SLC30A7: variants seen among roughly 807,000 people sequenced by gnomAD.
The protein encoded by SLC30A7 is zinc transporter 7.
SLC30A7 carries 35 observed loss-of-function variants against 46.0 expected under a neutral mutation model. The ratio of observed to expected loss-of-function variants is 0.76; its 90% CI spans 0.58 to 1.01. The LOEUF is 1.01. SLC30A7 is among the 50% of genes least tolerant of loss of function. SLC30A7 has a pLI of 0.00. For synonymous variants in SLC30A7, 147 were observed against 157.8 expected (o/e 0.93, Z 0.51); for missense variants, 464 against 451.1 (o/e 1.03, Z -0.26).
At chr1:100,991,651 T>C in the SLC30A7 span, among the ~76,000 whole-genome samples, 1 of 151,472 alleles carries the variant, frequency 6.6e-6, no homozygotes, top group Non-Finnish European at 1.5e-5. Flanking sequence ...TAGCTGGGTG[T>C]GGTGGCATGC....
chr1:100,953,659 A>C (rs6577220), intron 8 of SLC30A7, among the ~76,000 whole-genome samples: 3,610 of 152,238 alleles, frequency 0.024, 133 homozygotes, highest in African/African-American at 0.079. Flanking sequence ...AAATGTTACC[A>C]TATTTAATAT....
At chr1:100,924,061 CTG>C (rs1653125176) in intron 8 of SLC30A7, among the ~76,000 whole-genome samples, 1 of 152,204 alleles carries the variant, frequency 6.6e-6, no homozygotes, top group Non-Finnish European at 1.5e-5. Flanking sequence ...ACCTGGAAAA[CTG>C]TAACAATCTC....
At chr1:100,986,640 A>G (rs145724889), downstream of SLC30A7, among the ~76,000 whole-genome samples, 1 of 152,226 alleles carries the variant, frequency 6.6e-6, no homozygotes, top group Admixed American at 6.5e-5. Flanking sequence ...AAAACCTGTT[A>G]TGTTAATGTT....
the SLC30A7 span, chr1:100,995,360 A>T: frequency 2.3e-6 from 1 of 435,992 alleles, no homozygotes; most frequent in Non-Finnish European, 4.2e-6. Flanking sequence ...CCCTGAGACC[A>T]TCCTGCTAAC....
chr1:100,989,668 A>G, the SLC30A7 span: 5 of 152,210 alleles, frequency 3.3e-5, no homozygotes, highest in Non-Finnish European at 7.4e-5. Flanking sequence ...CTTGGCACTC[A>G]TAACATTTTT....
At chr1:100,925,715 T>C (rs1022510982) in intron 8 of SLC30A7, among the ~76,000 whole-genome samples, 2 of 152,154 alleles carry the variant, frequency 1.3e-5, no homozygotes, top group African/African-American at 4.8e-5. Flanking sequence ...AAAGGTAATG[T>C]TTTTATTTTT....
intron 9 of SLC30A7, among the ~76,000 whole-genome samples, chr1:100,963,212 G>A (rs1169955582): frequency 6.6e-6 from 1 of 152,162 alleles, no homozygotes; most frequent in Non-Finnish European, 1.5e-5. Flanking sequence ...CTCCGGAGAA[G>A]TTCTAGTTCT....
At chr1:100,973,258 G>T (rs998411993) in intron 10 of SLC30A7, among the ~76,000 whole-genome samples, 5 of 152,040 alleles carry the variant, frequency 3.3e-5, no homozygotes, top group African/African-American at 4.8e-5. Context: ...GAGGAGTCCA[G>T]AAATTACTGT....
Position 100,974,987 on chromosome 1 carries a change from T to A in SLC30A7, c.*130T>A. 6.7e-6 allele frequency: 4 copies of A among 600,394 alleles called. No individual in the cohort carries two copies. The highest frequency in any genetic ancestry group is 1.1e-5 in the Non-Finnish European group (4 of 363,848). 37.2% of individuals were successfully genotyped at this position (600,394 alleles called of 1,614,324 possible). A position where few individuals can be genotyped will look rare whatever the true frequency, so the allele number is the denominator to read the frequency against. ...ACTCCCGAGCACTAAGTAGACGGGG[T>A]AGAGTCAGCCGTTCATGCTTTGTGG... On this transcript the variant is annotated 3_prime_UTR_variant, in exon 11 of 11. Transcript: ENST00000357650.
the SLC30A7 span, among the ~76,000 whole-genome samples, chr1:100,991,370 C>T: frequency 1.3e-5 from 2 of 152,208 alleles, no homozygotes; most frequent in Middle Eastern, 6.8e-3. Context: ...ATGGTTTATC[C>T]AAGGACAAAC....
chr1:100,968,017 T>G (rs530505335), intron 10 of SLC30A7, among the ~76,000 whole-genome samples: 1 of 152,210 alleles, frequency 6.6e-6, no homozygotes, highest in Non-Finnish European at 1.5e-5. Flanking sequence ...ATCCAGATGT[T>G]TAATTTTCAA....
At chr1:100,969,933 T>C (rs1049444089) in intron 10 of SLC30A7, among the ~76,000 whole-genome samples, 6 of 152,226 alleles carry the variant, frequency 3.9e-5, no homozygotes, top group African/African-American at 1.4e-4. Flanking sequence ...TAGTAATGCA[T>C]GGTCCTTATG....
At chr1:100,933,263 C>T (rs1379849293) in intron 8 of SLC30A7, among the ~76,000 whole-genome samples, 1 of 152,008 alleles carries the variant, frequency 6.6e-6, no homozygotes, top group African/African-American at 2.4e-5. Flanking sequence ...TGTGAGCCAC[C>T]GTGCCTGGCC....
At chr1:100,930,875 ACTGATTAGT>A (rs748258290) in intron 8 of SLC30A7, among the ~76,000 whole-genome samples, 83 of 152,148 alleles carry the variant, frequency 5.5e-4, no homozygotes, top group Non-Finnish European at 5.0e-4. Context: ...ATTTATAAAA[ACTGATTAGT>A]CTAACAGCCT....
chr1:100,897,027 G>A (rs770867401), intron 2 of SLC30A7, among the ~76,000 whole-genome samples: 1 of 151,776 alleles, frequency 6.6e-6, no homozygotes, highest in African/African-American at 2.4e-5. Context: ...TGCCTCTCTC[G>A]GGGGGGAGTG....
At chr1:100,905,629 C>CT (rs1394824513) in intron 2 of SLC30A7, among the ~76,000 whole-genome samples, 3 of 151,914 alleles carry the variant, frequency 2.0e-5, no homozygotes, top group Non-Finnish European at 4.4e-5. Context: ...TTGTGTTGCA[C>CT]TTTGTTTAAC....
intron 10 of SLC30A7, among the ~76,000 whole-genome samples, chr1:100,974,323 G>A (rs1656333900): frequency 6.6e-6 from 1 of 152,152 alleles, no homozygotes; most frequent in African/African-American, 2.4e-5. Flanking sequence ...TAATACAGAA[G>A]ATATTGGGGA....
intron 8 of SLC30A7, among the ~76,000 whole-genome samples, chr1:100,936,443 C>T (rs1374732561): frequency 6.6e-6 from 1 of 152,088 alleles, no homozygotes; most frequent in Non-Finnish European, 1.5e-5. Context: ...TTTGAAGACT[C>T]CTGCCCTAAG....
At chr1:100,982,541 C>T (rs1165933960), downstream of SLC30A7, among the ~76,000 whole-genome samples, 2 of 152,168 alleles carry the variant, frequency 1.3e-5, no homozygotes, top group Non-Finnish European at 2.9e-5. Context: ...CTAAGCAATG[C>T]CCTGTCACCT....
Sources: allele counts gnomAD v4.1 joint callset (sites outside exome capture counted in the v4.1 genomes callset), GRCh38; gene constraint gnomAD v4.1.1; transcripts MANE v1.5; gene names NCBI Gene and HGNC (gene_info 2026-07-23, HGNC 2026-07-21).